Variants in TMT1B observed in about 807,000 individuals in gnomAD.
TMT1B encodes thiol S-methyltransferase TMT1B.
At chr12:55,684,206 C>A in the TMT1B span, 1 of 675,636 alleles carries the variant, frequency 1.5e-6, no homozygotes, top group Non-Finnish European at 2.5e-6. Flanking sequence ...CCAACCTCTG[C>A]CAGGGCAATC....
the TMT1B span, chr12:55,684,049 AT>A: frequency 6.2e-7 from 1 of 1,612,254 alleles, no homozygotes; most frequent in Non-Finnish European, 8.5e-7. Context: ...CTGTCAAATA[AT>A]CTTTCCCAAG....
At chr12:55,684,405 C>T in the TMT1B span, 124,881 of 265,636 alleles carry the variant, frequency 0.47, 31,528 homozygotes, top group East Asian at 0.93. Flanking sequence ...CCTGAGGCTA[C>T]ACCCATGCGT....
the TMT1B span, chr12:55,682,077 C>A: frequency 6.2e-7 from 1 of 1,614,224 alleles, no homozygotes; most frequent in Middle Eastern, 1.6e-4. Context: ...AAGTTCCTGA[C>A]AAAGAGCATG....
At chr12:55,682,281 G>A in the TMT1B span, 2 of 1,592,222 alleles carry the variant, frequency 1.3e-6, no homozygotes, top group Non-Finnish European at 1.7e-6. Context: ...GGATGGGTGT[G>A]GGGCAGGCAA....
At chr12:55,682,688 A>G in the TMT1B span, among the ~76,000 whole-genome samples, 1 of 151,674 alleles carries the variant, frequency 6.6e-6, no homozygotes, top group Non-Finnish European at 1.5e-5. Context: ...CAGGAAGCTG[A>G]GGTGGGAGGA....
the TMT1B span, chr12:55,683,992 C>G: frequency 6.2e-7 from 1 of 1,613,890 alleles, no homozygotes. Context: ...AACGACAGCC[C>G]CCTCCCTTGA....
At chr12:55,684,023 C>T in the TMT1B span, 7 of 1,613,558 alleles carry the variant, frequency 4.3e-6, no homozygotes, top group Non-Finnish European at 4.2e-6. Flanking sequence ...TGTTGGGCCC[C>T]ACATCATGGG....
chr12:55,682,251 C>A, the TMT1B span: 1 of 1,605,498 alleles, frequency 6.2e-7, no homozygotes, highest in Non-Finnish European at 8.5e-7. Flanking sequence ...GTACTGAGAC[C>A]GGTAAGCAGG....
the TMT1B span, chr12:55,681,970 G>T: frequency 1.2e-6 from 2 of 1,614,216 alleles, no homozygotes; most frequent in Admixed American, 3.3e-5. Flanking sequence ...CCGGGAAAGT[G>T]GCCCTACTGG....
chr12:55,681,929 T>C, the TMT1B span: 4 of 1,614,130 alleles, frequency 2.5e-6, no homozygotes, highest in Non-Finnish European at 3.4e-6. Flanking sequence ...ACGGGAGCTC[T>C]TCAGCCAGAT....
the TMT1B span, chr12:55,684,078 GCTCCTTCCCCAGC>G: frequency 1.2e-6 from 2 of 1,601,710 alleles, no homozygotes; most frequent in East Asian, 4.5e-5. Flanking sequence ...GCACTCATTT[GCTCCTTCCCCAGC>G]CTCCAATTAG....
the TMT1B span, chr12:55,684,109 C>A: frequency 6.7e-7 from 1 of 1,485,082 alleles, no homozygotes; most frequent in South Asian, 1.2e-5. Flanking sequence ...TAGAACAAGC[C>A]ACCCACCAGC....
chr12:55,684,250 GCT>G, the TMT1B span: 3 of 570,762 alleles, frequency 5.3e-6, no homozygotes, highest in South Asian at 4.0e-5. Flanking sequence ...CAGTGAAAAA[GCT>G]CTACTTCTAC....
chr12:55,682,574 C>T, the TMT1B span, among the ~76,000 whole-genome samples: 1 of 136,948 alleles, frequency 7.3e-6, no homozygotes, highest in Non-Finnish European at 1.5e-5. Context: ...AGTTCAAGAC[C>T]AGCCAAGGCA....
At chr12:55,681,891 A>G in the TMT1B span, 1 of 1,612,092 alleles carries the variant, frequency 6.2e-7, no homozygotes, top group Non-Finnish European at 8.5e-7. Context: ...CTGACTCCCA[A>G]GAGCAACCGC....
chr12:55,683,268 T>G, the TMT1B span, among the ~76,000 whole-genome samples: 1 of 151,982 alleles, frequency 6.6e-6, no homozygotes, highest in African/African-American at 2.4e-5. Flanking sequence ...GCAAGGCAGG[T>G]GGATCTCTTG....
At chr12:55,683,673 T>G in the TMT1B span, 1 of 788,318 alleles carries the variant, frequency 1.3e-6, no homozygotes, top group Non-Finnish European at 2.1e-6. Context: ...GCAGAAAAGG[T>G]CAGGGGCACG....
At chr12:55,682,107 A>C in the TMT1B span, 1 of 1,614,184 alleles carries the variant, frequency 6.2e-7, no homozygotes, top group Non-Finnish European at 8.5e-7. Flanking sequence ...AGGCACCTCC[A>C]ATATGAGCGG....
chr12:55,683,187 G>A, the TMT1B span, among the ~76,000 whole-genome samples: 2 of 152,266 alleles, frequency 1.3e-5, no homozygotes, highest in African/African-American at 2.4e-5. Context: ...GAGAGGTTGT[G>A]CGTGTATCTC....
Sources: allele counts gnomAD v4.1 joint callset (sites outside exome capture counted in the v4.1 genomes callset), GRCh38; gene constraint gnomAD v4.1.1; transcripts MANE v1.5; gene names NCBI Gene and HGNC (gene_info 2026-07-23, HGNC 2026-07-21).